Variants in FMN2 observed in about 807,000 individuals in gnomAD.
FMN2 encodes the protein formin-2.
A neutral mutation model predicts 142.3 loss-of-function variants in FMN2; 51 were observed. That is an observed-to-expected ratio of 0.36 (90% confidence interval 0.29 to 0.45). The LOEUF (loss-of-function observed/expected upper bound fraction) is 0.45. FMN2 is among the 20% of genes least tolerant of loss of function. The pLI is 1.00. For synonymous variants in FMN2, 882 were observed against 869.8 expected (o/e 1.01, Z -0.25); for missense variants, 1,936 against 2,122.8 (o/e 0.91, Z 1.73).
At chr1:240,300,119 G>C (rs1211799147) in intron 8 of FMN2, among the ~76,000 whole-genome samples, 2 of 152,016 alleles carry the variant, frequency 1.3e-5, no homozygotes, top group Non-Finnish European at 2.9e-5. Context: ...ATCACACAAG[G>C]GTATACCAGA....
At chr1:240,277,998 A>G (rs2102933208) in intron 7 of FMN2, among the ~76,000 whole-genome samples, 1 of 152,282 alleles carries the variant, frequency 6.6e-6, no homozygotes, top group East Asian at 1.9e-4. Context: ...AAATATTTGA[A>G]ATGTTTAGAA....
In FMN2 at chr1:240,170,821, C is replaced by G. The variant is rs746537228; in HGVS notation, c.1783-7100C>G. 12 of 859,368 alleles carry G rather than the reference C, an allele frequency of 1.4e-5. No homozygotes were observed. In the African/African-American group the frequency reaches 1.7e-4, roughly 12 times the overall value. 53.2% of individuals were successfully genotyped at this position (859,368 alleles called of 1,614,324 possible). ...GGGCGGTAAAGTGGCTGGTGCATCCCGGATCATTGGTGTGGACATCCATCA... is the reference window on the plus strand; with the variant it reads ...GGGCGGTAAAGTGGCTGGTGCATCCGGGATCATTGGTGTGGACATCCATCA... On this transcript the variant is annotated intron_variant, in intron 2 of 17. Coordinates refer to ENST00000319653, the MANE Select transcript of FMN2 (RefSeq NM_020066.5).
chr1:240,345,997 A>G (rs1671897068), intron 13 of FMN2, among the ~76,000 whole-genome samples: 1 of 152,184 alleles, frequency 6.6e-6, no homozygotes, highest in East Asian at 1.9e-4. Context: ...TGTCAAACTG[A>G]TTGAACTGTA....
At chr1:240,123,571 C>A (rs561671652) in intron 2 of FMN2, among the ~76,000 whole-genome samples, 1 of 149,670 alleles carries the variant, frequency 6.7e-6, no homozygotes, top group East Asian at 2.0e-4. Context: ...ACCTCCTTTT[C>A]TTGACAGATG....
chr1:240,141,337 A>G (rs190926650), intron 2 of FMN2, among the ~76,000 whole-genome samples: 1 of 144,676 alleles, frequency 6.9e-6, no homozygotes, highest in East Asian at 2.0e-4. Context: ...AATAACAGGC[A>G]ACGGTATTTT....
rs572154225 is a variant in FMN2, at chr1:240,146,050, G to A, written c.1782+22705G>A. On this transcript the variant is annotated intron_variant, in intron 2 of 17. Coordinates refer to ENST00000319653, the MANE Select transcript of FMN2 (RefSeq NM_020066.5). The stretch of plus-strand genomic sequence containing the variant: ...GTGTAGATTGTGTAACTGAAGGATA[G>A]GGTCTACATATGCCACGTTCAAAGT... Among the ~76,000 whole-genome samples the A allele has an allele frequency of 2.0e-5, 3 of 150,420 alleles. No homozygotes were observed. In the East Asian group the frequency reaches 5.9e-4, roughly 29 times the overall value.
chr1:240,336,255 C>G (rs908790062), intron 13 of FMN2, among the ~76,000 whole-genome samples: 3 of 152,144 alleles, frequency 2.0e-5, no homozygotes, highest in African/African-American at 7.2e-5. Context: ...TAGGTGCCTA[C>G]ATTTGGTAGC....
At chr1:240,298,710 G>C (rs1670080197) in intron 8 of FMN2, among the ~76,000 whole-genome samples, 1 of 152,130 alleles carries the variant, frequency 6.6e-6, no homozygotes, top group African/African-American at 2.4e-5. Flanking sequence ...CTGATGATCT[G>C]AGGTAGAACA....
intron 4 of FMN2, among the ~76,000 whole-genome samples, chr1:240,190,371 A>G (rs1665653525): frequency 6.6e-6 from 1 of 152,230 alleles, no homozygotes. Context: ...ACTCTTTGTC[A>G]TACATTTATT....
intron 14 of FMN2, among the ~76,000 whole-genome samples, chr1:240,358,083 C>T (rs777859398): frequency 6.6e-6 from 1 of 152,174 alleles, no homozygotes; most frequent in African/African-American, 2.4e-5. Context: ...CTTCATGGCA[C>T]CTCTTCCACT....
rs202231609 is a variant in FMN2, at chr1:240,093,279, C to A, written c.1170C>A (p.Asp390Glu). The change falls in exon 1 of 18, where the codon GAC becomes GAA. Residue 390 changes from aspartate to glutamate, a missense_variant. Physicochemically the swap from Asp to Glu is conservative, Grantham distance 45. Coordinates refer to ENST00000319653, the MANE Select transcript of FMN2 (RefSeq NM_020066.5). ...CGGAGGAGGAGGCGCAAGGACCTGA[C>A]GCCCCCGCGGCCGCTTCCCTGCCCG... ...EEPEEEAQGP[D>E]APAAASLPGS... 1.6e-5 allele frequency: 25 copies of A among 1,604,934 alleles called. No individual in the cohort carries two copies. The African/African-American group carries it at 3.1e-4, about 20-fold the overall frequency.
intron 16 of FMN2, among the ~76,000 whole-genome samples, chr1:240,464,489 G>C (rs567433778): frequency 2.6e-5 from 4 of 152,234 alleles, no homozygotes; most frequent in African/African-American, 9.6e-5. Context: ...GAATATCTGT[G>C]CATTAATTTT....
At position 240,333,889 on chromosome 1, in the gene FMN2, C is replaced by G. The variant is rs1289362555; in HGVS notation, c.4587C>G (p.Asp1529Glu). Residue 1529 changes from aspartate to glutamate, a missense_variant and splice_region_variant, in exon 12 of 18, where the codon GAC becomes GAG. Transcript: ENST00000319653. Reference sequence around the variant, plus strand: ...CTGACTTTGGTCTTTCTGCCTAGGACAATAGCAGAAGCCTTTTGTCATATA... The same window carrying G: ...CTGACTTTGGTCTTTCTGCCTAGGAGAATAGCAGAAGCCTTTTGTCATATA... ...LPKLKDVKSS[D>E]NSRSLLSYIV... is the part of the protein sequence containing the mutation. 2 of 1,604,554 alleles carry G rather than the reference C, an allele frequency of 1.2e-6. No homozygotes were observed. Among genetic ancestry groups the G allele is most frequent in the South Asian group, 1.1e-5 (1 of 88,000 alleles).
rs148193527 is a variant in FMN2 at position 240,339,241 on chromosome 1, A to G, written c.4765+5012A>G. On this transcript the variant is annotated intron_variant, in intron 13 of 17. Transcript: ENST00000319653. ...ATCTTGGTTATCAGATCAACAGATC[A>G]CAAAAAGGGTGAGTATAGTATGATA... Among the ~76,000 whole-genome samples, 166 of 152,322 alleles carry G rather than the reference A, an allele frequency of 1.1e-3. 1 individual carries two copies. The highest frequency in any genetic ancestry group is 1.4e-3 in the South Asian group (7 of 4,828).
chr1:240,405,495 G>A (rs187201691), intron 15 of FMN2, among the ~76,000 whole-genome samples: 2 of 152,222 alleles, frequency 1.3e-5, no homozygotes, highest in African/African-American at 4.8e-5. Flanking sequence ...GCACATGCCT[G>A]TAATCCCAGC....
chr1:240,433,151 G>T (rs1014419409), intron 15 of FMN2, among the ~76,000 whole-genome samples: 1 of 151,960 alleles, frequency 6.6e-6, no homozygotes, highest in Non-Finnish European at 1.5e-5. Context: ...CATTAGATGC[G>T]TATCTTTATG....
chr1:240,187,062 C>T (rs1450235792), intron 3 of FMN2, among the ~76,000 whole-genome samples: 3 of 147,364 alleles, frequency 2.0e-5, no homozygotes, highest in Admixed American at 6.8e-5. Flanking sequence ...GTCAGGAGTT[C>T]GAGACCAGCC....
rs554885477 is a variant in FMN2, at chr1:240,231,117, C to G, written c.4065+19882C>G. Among the ~76,000 whole-genome samples the G allele has an allele frequency of 5.3e-5, 7 of 131,644 alleles. 2 individuals carry two copies. The highest frequency in any genetic ancestry group is 2.2e-4 in the Admixed American group (3 of 13,732). The allele number at this position is 131,644 out of a possible 152,430, so 86.4% of individuals were successfully genotyped here. ...AACTTTCCTATTCCAGTAATGCCAG[C>G]CTTCTTCTCAATACTGCCACACACG... On this transcript the variant is annotated intron_variant, in intron 6 of 17. Transcript: ENST00000319653.
intron 16 of FMN2, among the ~76,000 whole-genome samples, chr1:240,468,195 A>AAT (rs149258082): frequency 0.24 from 24,445 of 101,830 alleles, 2,356 homozygotes; most frequent in East Asian, 0.27. Context: ...CATCCACTAA[A>AAT]ATATATATAT....
Sources: gnomAD v4.1 joint callset for allele counts (sites outside exome capture counted in the v4.1 genomes callset) on GRCh38, gnomAD v4.1.1 for gene constraint, MANE v1.5 for transcripts, NCBI Gene and HGNC (gene_info 2026-07-23, HGNC 2026-07-21) for gene names.